Variants in LRP1B observed in about 807,000 individuals in gnomAD.
LRP1B encodes the protein low-density lipoprotein receptor-related protein 1B.
Under a neutral mutation model 556.6 loss-of-function variants are expected in LRP1B, and 217 were observed. The ratio of observed to expected loss-of-function variants is 0.39; its 90% CI spans 0.35 to 0.44. The LOEUF (loss-of-function observed/expected upper bound fraction) is 0.44, where lower values mean the gene tolerates loss of function less well. Among genes scored for constraint, LRP1B ranks in the 20% least tolerant of loss-of-function variants. The pLI is 1.00. For synonymous variants in LRP1B, 2,047 were observed against 1,865.8 expected, an observed-to-expected ratio of 1.10 and a Z score of -2.50; for missense variants, 5,053 against 5,620.8, an observed-to-expected ratio of 0.90 and a Z score of 3.23.
intron 1 of LRP1B, among the ~76,000 whole-genome samples, chr2:141,851,379 G>A (rs1051081028): frequency 6.6e-6 from 1 of 151,708 alleles, no homozygotes; most frequent in African/African-American, 2.4e-5. Context: ...AATTCAGTTG[G>A]TGGCTCTTTC....
At chr2:141,483,100 C>T (rs1189117172) in intron 2 of LRP1B, among the ~76,000 whole-genome samples, 10 of 147,084 alleles carry the variant, frequency 6.8e-5, no homozygotes, top group Non-Finnish European at 1.0e-4. Context: ...TCTCCTAATG[C>T]TATCCCTCCC....
At chr2:140,347,836 C>T (rs1383581335) in intron 77 of LRP1B, among the ~76,000 whole-genome samples, 2 of 151,898 alleles carry the variant, frequency 1.3e-5, no homozygotes, top group East Asian at 1.9e-4. Context: ...AAGTCTCCGT[C>T]AGTATTATTT....
At chr2:140,249,863 G>A (rs1339724646) in intron 86 of LRP1B, among the ~76,000 whole-genome samples, 1 of 151,824 alleles carries the variant, frequency 6.6e-6, no homozygotes, top group African/African-American at 2.4e-5. Flanking sequence ...ACTTTAAGTA[G>A]ACTACAATGA....
At chr2:141,900,862 A>C (rs1159365177) in intron 1 of LRP1B, among the ~76,000 whole-genome samples, 1 of 151,894 alleles carries the variant, frequency 6.6e-6, no homozygotes, top group Non-Finnish European at 1.5e-5. Flanking sequence ...AAATTTGAGC[A>C]CTCCATCTGT....
intron 2 of LRP1B, among the ~76,000 whole-genome samples, chr2:141,548,974 G>A (rs1387810084): frequency 1.3e-5 from 2 of 152,002 alleles, no homozygotes; most frequent in African/African-American, 2.4e-5. Context: ...GCATACAGTT[G>A]GAAAGATATA....
chr2:141,499,394 C>T (rs1412474831), intron 2 of LRP1B, among the ~76,000 whole-genome samples: 1 of 152,074 alleles, frequency 6.6e-6, no homozygotes, highest in African/African-American at 2.4e-5. Context: ...CCGGTAATAC[C>T]TACGCCTCTT....
chr2:140,278,260 ATAATGTTTTTCTTGAATGCTGGTT>A (rs1435251046), intron 84 of LRP1B, among the ~76,000 whole-genome samples: 2 of 151,998 alleles, frequency 1.3e-5, no homozygotes, highest in Non-Finnish European at 2.9e-5. Flanking sequence ...TGCAGTGCTG[ATAATGTTTTTCTTGAATGCTGGTT>A]TAAACTGATG....
chr2:141,583,128 G>T (rs867750269), intron 2 of LRP1B, among the ~76,000 whole-genome samples: 24 of 151,988 alleles, frequency 1.6e-4, no homozygotes, highest in Admixed American at 1.6e-3. Flanking sequence ...GAGCCACCAC[G>T]CCCGGCCAAC....
rs550292963 is a variant in LRP1B at position 140,928,775 on chromosome 2, G to C, written c.3137-5628C>G. Among the ~76,000 whole-genome samples the C allele has an allele frequency of 3.3e-5, 5 of 152,210 alleles. No individual in the cohort carries two copies. The East Asian group carries it at 9.7e-4, about 29-fold the overall frequency. On this transcript the variant is annotated intron_variant, in intron 20 of 90. Transcript: ENST00000389484. ...ATTACAGAAGGTGACACTTGAGTGA[G>C]ACCAAAATGACGAGAAAGAGCTAGC...
intron 7 of LRP1B, among the ~76,000 whole-genome samples, chr2:141,125,858 A>AAAAC (rs1701192674): frequency 6.6e-6 from 1 of 150,518 alleles, no homozygotes; most frequent in African/African-American, 2.4e-5. Context: ...AAAAAAAAAA[A>AAAAC]AAACAAAAAA....
rs754621600 is a variant in LRP1B, at chr2:142,075,396, TTATAAA to T, written c.82+55246_82+55251del. The stretch of plus-strand genomic sequence containing the variant: ...TTGAGGGAACAAACAAGAGTATTAC[TTATAAA>T]TAGAAAGGAATGGAGAATTTGATTC... On this transcript the variant is annotated intron_variant, in intron 1 of 90. Coordinates refer to ENST00000389484, the MANE Select transcript of LRP1B (RefSeq NM_018557.3). Among the ~76,000 whole-genome samples, 74 of 152,178 alleles carry T rather than the reference TTATAAA, an allele frequency of 4.9e-4. 1 individual carries two copies. Among genetic ancestry groups the T allele is most frequent in the Middle Eastern group, 6.8e-3 (2 of 294 alleles).
rs138513166 is a variant in LRP1B, at chr2:141,986,186, G to T, written c.82+144462C>A. Among the ~76,000 whole-genome samples, 5 of 151,978 alleles carry T rather than the reference G, an allele frequency of 3.3e-5. No individual in the cohort carries two copies. In the East Asian group the frequency reaches 9.7e-4, roughly 29 times the overall value. ...TAAAAAATTTCTGGAAATGCATAGT[G>T]ATGTGTTCGTACAATATGAATATAC... is the stretch of plus-strand genomic sequence containing the variant. On this transcript the variant is annotated intron_variant, in intron 1 of 90. Transcript: ENST00000389484.
At chr2:141,825,504 G>A (rs1395089830) in intron 1 of LRP1B, among the ~76,000 whole-genome samples, 23 of 152,176 alleles carry the variant, frequency 1.5e-4, no homozygotes, top group Non-Finnish European at 7.4e-5. Flanking sequence ...GTGAGACAGT[G>A]ATTTTCCTAG....
chr2:141,813,113 T>C (rs577767315), intron 1 of LRP1B, among the ~76,000 whole-genome samples: 1 of 152,306 alleles, frequency 6.6e-6, no homozygotes, highest in East Asian at 1.9e-4. Flanking sequence ...CAACACATAT[T>C]ATTGAACTTC....
intron 3 of LRP1B, among the ~76,000 whole-genome samples, chr2:141,367,152 T>C (rs1689069695): frequency 6.6e-6 from 1 of 152,178 alleles, no homozygotes. Flanking sequence ...TGGGGACAAA[T>C]TTTAATTTCA....
chr2:141,542,939 T>A (rs1219397847), intron 2 of LRP1B, among the ~76,000 whole-genome samples: 1 of 152,180 alleles, frequency 6.6e-6, no homozygotes. Context: ...AGGTAGTTTT[T>A]TATGTACTGA....
intron 2 of LRP1B, among the ~76,000 whole-genome samples, chr2:141,556,941 T>C (rs975789838): frequency 6.6e-6 from 1 of 151,878 alleles, no homozygotes; most frequent in Non-Finnish European, 1.5e-5. Flanking sequence ...TTTCTTCTTA[T>C]AATATCACTC....
At chr2:140,285,228 G>C (rs1269977738) in intron 84 of LRP1B, among the ~76,000 whole-genome samples, 1 of 149,400 alleles carries the variant, frequency 6.7e-6, no homozygotes, top group African/African-American at 2.5e-5. Context: ...GATATAGATA[G>C]GTATATGTAT....
chr2:142,081,114 GA>G (rs1442683087), intron 1 of LRP1B, among the ~76,000 whole-genome samples: 1 of 152,010 alleles, frequency 6.6e-6, no homozygotes, highest in Non-Finnish European at 1.5e-5. Flanking sequence ...ATGAAGTATG[GA>G]GTTAAAGAGA....
Sources: allele counts gnomAD v4.1 joint callset (sites outside exome capture counted in the v4.1 genomes callset), GRCh38; gene constraint gnomAD v4.1.1; transcripts MANE v1.5; gene names NCBI Gene and HGNC (gene_info 2026-07-23, HGNC 2026-07-21).